RBPMS2: variants seen among roughly 807,000 people sequenced by gnomAD.
RBPMS2 encodes the protein RNA binding protein, mRNA processing factor 2.
RBPMS2 carries 14 observed loss-of-function variants against 25.7 expected under a neutral mutation model. That is an observed-to-expected ratio of 0.55 (90% CI 0.36 to 0.85). The LOEUF is 0.85. Ranked by LOEUF, RBPMS2 falls within the 40% of genes least tolerant of loss-of-function variation. The pLI, the probability that RBPMS2 is intolerant of heterozygous loss-of-function variation, is 0.01. For missense variants in RBPMS2, 252 were observed against 283.4 expected (o/e 0.89, Z 0.80); for synonymous variants, 127 against 115.6 (o/e 1.10, Z -0.63).
chr15:64,767,319 T>C (rs2083855660), intron 1 of RBPMS2, among the ~76,000 whole-genome samples: 6 of 152,112 alleles, frequency 3.9e-5, no homozygotes, highest in Admixed American at 3.9e-4. Flanking sequence ...TGCCTCATGG[T>C]TTGCCAGAGG....
chr15:64,773,972 G>A (rs892324340), intron 1 of RBPMS2, among the ~76,000 whole-genome samples: 1 of 152,266 alleles, frequency 6.6e-6, no homozygotes, highest in African/African-American at 2.4e-5. Flanking sequence ...AGATGTCACA[G>A]TTGTATATTC....
intron 1 of RBPMS2, among the ~76,000 whole-genome samples, chr15:64,761,450 A>G (rs1413148817): frequency 1.3e-5 from 2 of 152,248 alleles, no homozygotes; most frequent in African/African-American, 4.8e-5. Context: ...CCAAGTGCCC[A>G]GCTCACGAGT....
At chr15:64,748,356 C>A in intron 6 of RBPMS2, 63 bp downstream of exon 6, 2 of 1,544,108 alleles carry the variant, frequency 1.3e-6, no homozygotes, top group South Asian at 2.3e-5. Context: ...TGGCCAGGCA[C>A]ATGCAAAGTC....
In RBPMS2 at chr15:64,750,421, C is replaced by T. The variant is rs113155555; in HGVS notation, c.166-40G>A. On this transcript the variant is annotated intron_variant, in intron 2 of 7. Coordinates refer to ENST00000300069, the MANE Select transcript of RBPMS2 (RefSeq NM_194272.3). The stretch of plus-strand genomic sequence containing the variant: ...GGCTGTTACCGTGGAAGGTCAGAAG[C>T]GTATGTTGTGCTAGCCCAGCGCTGC... The T allele has an allele frequency of 3.3e-5, 52 of 1,588,256 alleles. No homozygotes were observed. The African/African-American group carries it at 3.5e-4, about 11-fold the overall frequency.
At chr15:64,774,942 C>G (rs943520996) in intron 1 of RBPMS2, among the ~76,000 whole-genome samples, 3 of 150,966 alleles carry the variant, frequency 2.0e-5, no homozygotes, top group Admixed American at 6.6e-5. Flanking sequence ...AGGCATGGAA[C>G]GGACGCGGCG....
intron 6 of RBPMS2, among the ~76,000 whole-genome samples, chr15:64,743,637 C>G (rs1168330005): frequency 5.9e-5 from 1 of 16,906 alleles, no homozygotes; most frequent in African/African-American, 1.1e-4. Flanking sequence ...TCCAGTTGTG[C>G]CCAGGGGGGG....
In RBPMS2 at chr15:64,748,933, G is replaced by C. The variant is rs183628612; in HGVS notation, c.418+67C>G. ...CCTCCTGGAAAAGGGGCTTCCCTCT[G>C]CAAGAGCCTGCAAGTCTGCCCTGAA... On this transcript the variant is annotated intron_variant, in intron 5 of 7. Coordinates refer to ENST00000300069, the MANE Select transcript of RBPMS2 (RefSeq NM_194272.3). 2.5e-4 allele frequency: 396 copies of C among 1,565,344 alleles called. 2 individuals are homozygous for C. Among genetic ancestry groups the C allele is most frequent in the Admixed American group, 1.2e-3 (68 of 55,940 alleles).
At chr15:64,742,535 T>C (rs2083572232) in intron 6 of RBPMS2, among the ~76,000 whole-genome samples, 1 of 152,194 alleles carries the variant, frequency 6.6e-6, no homozygotes, top group South Asian at 2.1e-4. Context: ...GGAAGGCAAG[T>C]ATGCTGACTG....
intron 1 of RBPMS2, among the ~76,000 whole-genome samples, chr15:64,756,587 C>T (rs1238726897): frequency 6.6e-6 from 1 of 150,498 alleles, no homozygotes; most frequent in African/African-American, 2.4e-5. Flanking sequence ...TCATGCTTGG[C>T]CTGAGGAAGC....
intron 1 of RBPMS2, chr15:64,760,987 A>G (rs1217359438): frequency 6.6e-6 from 1 of 151,848 alleles, no homozygotes. Flanking sequence ...GACTTGGAGA[A>G]AAGACACCCC....
chr15:64,773,791 A>G (rs2083907916), intron 1 of RBPMS2, among the ~76,000 whole-genome samples: 1 of 151,996 alleles, frequency 6.6e-6, no homozygotes, highest in African/African-American at 2.4e-5. Flanking sequence ...GACTCCAAGT[A>G]CGCTAGCAAC....
rs565269041 is a variant in RBPMS2, at chr15:64,765,712, G to A, written c.87+9521C>T. Among the ~76,000 whole-genome samples, 14 of 152,324 alleles carry A rather than the reference G, an allele frequency of 9.2e-5. No homozygotes were observed. The East Asian group carries it at 9.6e-4, about 10-fold the overall frequency. On this transcript the variant is annotated intron_variant, in intron 1 of 7. Coordinates refer to ENST00000300069, the MANE Select transcript of RBPMS2 (RefSeq NM_194272.3). Reference sequence around the variant, plus strand: ...TGTAATCCCAGCGCTCTGGGAGGCCGAGGTGGGCGGATTACGAGGTCAGGA... The same window carrying A: ...TGTAATCCCAGCGCTCTGGGAGGCCAAGGTGGGCGGATTACGAGGTCAGGA...
intron 1 of RBPMS2, among the ~76,000 whole-genome samples, chr15:64,774,731 G>GAGCCGGCCGGCCGGCC (rs768693841): frequency 5.9e-4 from 4 of 6,820 alleles, no homozygotes; most frequent in South Asian, 8.8e-3. Context: ...AGGAACCGAG[G>GAGCCGGCCGGCCGGCC]AGCCGGCCGG....
chr15:64,751,957 CCTT>C (rs1567065606), intron 1 of RBPMS2, among the ~76,000 whole-genome samples: 1 of 150,942 alleles, frequency 6.6e-6, no homozygotes, highest in Non-Finnish European at 1.5e-5. Flanking sequence ...GCCCAGCATG[CCTT>C]TTTTTTTTTC....
intron 1 of RBPMS2, among the ~76,000 whole-genome samples, chr15:64,751,893 C>G (rs180704408): frequency 1.3e-5 from 2 of 152,050 alleles, no homozygotes; most frequent in Admixed American, 1.3e-4. Flanking sequence ...CAGACTGAGT[C>G]TGCTGGTGAA....
intron 1 of RBPMS2, among the ~76,000 whole-genome samples, chr15:64,769,228 C>T (rs577525923): frequency 7.9e-5 from 12 of 150,990 alleles, no homozygotes; most frequent in Admixed American, 4.6e-4. Context: ...TTTGGGAGGC[C>T]GAGGCCTCCC....
chr15:64,756,835 T>G (rs2083735526), intron 1 of RBPMS2, among the ~76,000 whole-genome samples: 1 of 147,442 alleles, frequency 6.8e-6, no homozygotes, highest in African/African-American at 2.5e-5. Flanking sequence ...AGACAGGGTT[T>G]CACCACGTTG....
chr15:64,744,798 G>GTTTTTTTTTTTTTTTTTTTTTTTTTTT (rs748967917), intron 6 of RBPMS2, among the ~76,000 whole-genome samples: 1 of 46,290 alleles, frequency 2.2e-5, no homozygotes, highest in Admixed American at 4.1e-4. Flanking sequence ...GGTTTGTTTT[G>GTTTTTTTTTTTTTTTTTTTTTTTTTTT]TTTTTTTTTT....
chr15:64,752,943 A>C (rs955463389), intron 1 of RBPMS2, among the ~76,000 whole-genome samples: 5 of 152,104 alleles, frequency 3.3e-5, no homozygotes, highest in Non-Finnish European at 5.9e-5. Flanking sequence ...TGCCCCCAAC[A>C]TGGTTACAAG....
Sources: allele counts gnomAD v4.1 joint callset (sites outside exome capture counted in the v4.1 genomes callset), GRCh38; gene constraint gnomAD v4.1.1; transcripts MANE v1.5; gene names NCBI Gene and HGNC (gene_info 2026-07-23, HGNC 2026-07-21).